Variants in TDRD9 observed in about 807,000 individuals in gnomAD.
TDRD9 encodes the protein tudor domain containing 9, also known as ATP-dependent RNA helicase TDRD9.
In TDRD9, 124 loss-of-function variants were observed where a neutral mutation model predicts 172.6. The ratio of observed to expected loss-of-function variants is 0.72; its 90% CI spans 0.62 to 0.83. The LOEUF (loss-of-function observed/expected upper bound fraction) is 0.83. Among genes scored for constraint, TDRD9 ranks in the 40% least tolerant of loss-of-function variants. TDRD9 has a pLI of 0.00. For missense variants in TDRD9, 1,479 were observed against 1,714.1 expected, an observed-to-expected ratio of 0.86 and a Z score of 2.42; for synonymous variants, 619 against 617.1, an observed-to-expected ratio of 1.00 and a Z score of -0.05.
chr14:104,041,007 C>A (rs1306665021), intron 33 of TDRD9, among the ~76,000 whole-genome samples: 1 of 152,110 alleles, frequency 6.6e-6, no homozygotes, highest in African/African-American at 2.4e-5. Context: ...GATCCTTTAC[C>A]ACAAATAGTT....
chr14:103,978,900 A>G (rs553498905), intron 7 of TDRD9, among the ~76,000 whole-genome samples: 1 of 152,276 alleles, frequency 6.6e-6, no homozygotes, highest in East Asian at 1.9e-4. Flanking sequence ...TGTATCAAAC[A>G]TTTTTTTGTG....
At chr14:104,039,633 T>A (rs1473196380) in intron 32 of TDRD9, among the ~76,000 whole-genome samples, 2 of 152,220 alleles carry the variant, frequency 1.3e-5, no homozygotes, top group African/African-American at 4.8e-5. Flanking sequence ...GACCAGGCTG[T>A]TGGCCGCAGC....
rs184940003 is a variant in TDRD9 at position 103,951,982 on chromosome 14, G to A, written c.216-3682G>A. On this transcript the variant is annotated intron_variant, in intron 1 of 35. Coordinates refer to ENST00000409874, the MANE Select transcript of TDRD9 (RefSeq NM_153046.3). ...ACGGGGTTTCACCTTATTAGCCAGG[G>A]TGGTCTCGATCTCCTGACCTTGTGA... is the stretch of plus-strand genomic sequence containing the variant. Among the ~76,000 whole-genome samples the A allele has an allele frequency of 2.4e-3, 354 of 149,824 alleles. 2 individuals are homozygous for A. The highest frequency in any genetic ancestry group is 8.1e-3 in the African/African-American group (332 of 40,948).
intron 1 of TDRD9, chr14:103,941,601 C>T (rs941498357): frequency 2.5e-5 from 38 of 1,535,032 alleles, no homozygotes; most frequent in Middle Eastern, 1.7e-4. Context: ...TTTTAATTCC[C>T]GAAGCAGAGT....
intron 28 of TDRD9, 28 bp downstream of exon 28, chr14:104,026,967 C>T (rs770153497): frequency 1.1e-5 from 17 of 1,607,284 alleles, no homozygotes; most frequent in Admixed American, 3.3e-5. Flanking sequence ...TGCTGGAGCA[C>T]GCGTTTGTGT....
At chr14:104,033,666 G>C (rs1408812488) in intron 30 of TDRD9, among the ~76,000 whole-genome samples, 1 of 152,114 alleles carries the variant, frequency 6.6e-6, no homozygotes, top group African/African-American at 2.4e-5. Flanking sequence ...CTCGAGTGGA[G>C]GTGGAGGTTC....
intron 2 of TDRD9, among the ~76,000 whole-genome samples, chr14:103,956,616 C>T (rs79290381): frequency 0.018 from 2,716 of 151,428 alleles, 37 homozygotes; most frequent in South Asian, 0.042. Flanking sequence ...GTCTGTTCTT[C>T]GGAAGACTAA....
At chr14:103,995,551 G>A (rs1480468574) in intron 11 of TDRD9, among the ~76,000 whole-genome samples, 199 bp from the exon 12 acceptor site, 1 of 152,170 alleles carries the variant, frequency 6.6e-6, no homozygotes, top group Non-Finnish European at 1.5e-5. Flanking sequence ...TTGCTGTGTT[G>A]TATGTGGCTG....
In TDRD9 at chr14:103,997,582, C is replaced by T. The variant is rs371217694; in HGVS notation, c.1379-1042C>T. ...GAGACCAGGGCCAGGGAGCAGCTGG[C>T]GGGGGCGTCAGCCCGTGACTGGCGT... On this transcript the variant is annotated intron_variant, in intron 12 of 35. Coordinates refer to ENST00000409874, the MANE Select transcript of TDRD9 (RefSeq NM_153046.3). The surrounding 1 kb of genome is among the most constrained non-coding windows in gnomAD (Gnocchi z 5.1). 3.7e-4 allele frequency among the ~76,000 whole-genome samples: 57 copies of T among 152,268 alleles called. No individual in the cohort carries two copies. The highest frequency in any genetic ancestry group is 1.3e-3 in the African/African-American group (53 of 41,554).
chr14:104,037,924 A>G (rs1000027034), intron 32 of TDRD9, among the ~76,000 whole-genome samples: 2 of 152,206 alleles, frequency 1.3e-5, no homozygotes, highest in African/African-American at 4.8e-5. Context: ...ATTCAGTGGC[A>G]TCATCATTGT....
At chr14:104,043,007 T>A (rs567926488) in intron 34 of TDRD9, among the ~76,000 whole-genome samples, 1 of 152,034 alleles carries the variant, frequency 6.6e-6, no homozygotes, top group South Asian at 2.1e-4. Context: ...TTTTCTTTTA[T>A]ATAAAAATAT....
chr14:103,938,438 A>T (rs369949801), intron 1 of TDRD9, among the ~76,000 whole-genome samples: 19,510 of 41,554 alleles, frequency 0.47, 5,199 homozygotes, highest in African/African-American at 0.51. Context: ...ATATATATAT[A>T]TATTTTTTTT....
At chr14:103,966,563 T>G in intron 4 of TDRD9, 146 bp from the exon 5 acceptor site, 21 of 810,832 alleles carry the variant, frequency 2.6e-5, no homozygotes, top group Non-Finnish European at 2.9e-5. Context: ...ATAATTGACT[T>G]GAGAATGTCA....
intron 13 of TDRD9, among the ~76,000 whole-genome samples, chr14:104,002,801 G>A (rs1392010063): frequency 4.7e-5 from 7 of 150,136 alleles, no homozygotes; most frequent in Admixed American, 6.7e-5. Context: ...GCGTGATCTC[G>A]GCTCACTGCA....
chr14:103,941,341 A>G, intron 1 of TDRD9: 1 of 1,270,738 alleles, frequency 7.9e-7, no homozygotes, highest in Non-Finnish European at 1.1e-6. Flanking sequence ...GTCAAAATAT[A>G]TGAGGAACTT....
At chr14:104,005,471 G>GTCTGTGCCTCACTTTCCCACTAAC (rs2034406552) in intron 15 of TDRD9, 66 bp downstream of exon 15, 1 of 1,563,154 alleles carries the variant, frequency 6.4e-7, no homozygotes, top group Non-Finnish European at 8.8e-7. Context: ...GGCTCCCTCA[G>GTCTGTGCCTCACTTTCCCACTAAC]TCTGTGCCTC....
At chr14:104,044,525 C>T (rs1374882122) in intron 34 of TDRD9, among the ~76,000 whole-genome samples, 1 of 152,126 alleles carries the variant, frequency 6.6e-6, no homozygotes, top group Non-Finnish European at 1.5e-5. Flanking sequence ...TATATATTTG[C>T]CTTCTCTGAC....
chr14:103,948,939 C>T (rs1397368396), intron 1 of TDRD9, among the ~76,000 whole-genome samples: 2 of 150,456 alleles, frequency 1.3e-5, no homozygotes, highest in African/African-American at 2.4e-5. Flanking sequence ...TGTGATTCCA[C>T]TTATATGAGA....
At chr14:104,030,180 G>C (rs1439968592) in intron 28 of TDRD9, among the ~76,000 whole-genome samples, 1 of 152,060 alleles carries the variant, frequency 6.6e-6, no homozygotes, top group Non-Finnish European at 1.5e-5. Context: ...ACGATAGTAA[G>C]AGAAGAAAAA....
Sources: allele counts gnomAD v4.1 joint callset (sites outside exome capture counted in the v4.1 genomes callset), GRCh38; gene constraint gnomAD v4.1.1; non-coding constraint Gnocchi (gnomAD v3.1); transcripts MANE v1.5; gene names NCBI Gene and HGNC (gene_info 2026-07-23, HGNC 2026-07-21).